TOM1L1: variants seen among roughly 807,000 people sequenced by gnomAD.
TOM1L1 encodes the protein target of myb1 like 1 membrane trafficking protein.
A neutral mutation model predicts 63.4 loss-of-function variants in TOM1L1; 64 were observed. That is an observed-to-expected ratio of 1.01 (90% CI 0.83 to 1.24). The LOEUF is 1.24. TOM1L1 is among the 50% of genes most tolerant of loss of function. TOM1L1 has a pLI of 0.00. For missense variants in TOM1L1, 536 were observed against 567.0 expected (o/e 0.95, Z 0.55); for synonymous variants, 166 against 194.4 (o/e 0.85, Z 1.22).
chr17:54,936,609 TA>T (rs751441617), intron 8 of TOM1L1, 39 bp from the exon 9 acceptor site: 8 of 1,529,004 alleles, frequency 5.2e-6, no homozygotes, highest in South Asian at 2.4e-5. Flanking sequence ...CATTTTCATA[TA>T]TTTTTTTAAA....
intron 7 of TOM1L1, among the ~76,000 whole-genome samples, chr17:54,920,013 T>G (rs898268466): frequency 2.6e-5 from 4 of 152,082 alleles, no homozygotes; most frequent in Admixed American, 1.3e-4. Flanking sequence ...TTTATTTTAT[T>G]TATTCATTTT....
At chr17:54,911,090 G>A (rs2048489731) in intron 3 of TOM1L1, among the ~76,000 whole-genome samples, 1 of 152,060 alleles carries the variant, frequency 6.6e-6, no homozygotes, top group South Asian at 2.1e-4. Flanking sequence ...CTTCAGTATT[G>A]GTTCATTCTT....
rs1414010174 is a variant in TOM1L1 at position 54,938,838 on chromosome 17, CT to C, written c.1034-77del. 9.9e-4 allele frequency: 564 copies of C among 572,346 alleles called. 1 individual carries two copies. The highest frequency in any genetic ancestry group is 2.4e-3 in the South Asian group (61 of 25,102). The allele number at this position is 572,346 out of a possible 1,614,324, so 35.5% of individuals were successfully genotyped here. ...TCTTTTTTTTTTCTTTTTCTTTTTT[CT>C]TTTTTTTTGTTTTTACTGTAGAAAA... is the stretch of plus-strand genomic sequence containing the variant. On this transcript the variant is annotated intron_variant, in intron 10 of 15. Coordinates refer to ENST00000575882, the MANE Select transcript of TOM1L1 (RefSeq NM_005486.3).
intron 13 of TOM1L1, 79 bp from the exon 14 acceptor site, chr17:54,949,966 T>C (rs575016672): frequency 1.2e-4 from 138 of 1,172,766 alleles, no homozygotes; most frequent in Admixed American, 6.1e-4. Context: ...ATTTGAAGTC[T>C]AAATTATAAA....
intron 10 of TOM1L1, 89 bp from the exon 11 acceptor site, chr17:54,938,831 CTTTT>C: frequency 3.5e-6 from 2 of 577,538 alleles, no homozygotes; most frequent in Non-Finnish European, 5.6e-6. Flanking sequence ...TTTTCTTTTT[CTTTT>C]TTCTTTTTTT....
rs1450431914 is a variant in TOM1L1 at position 54,905,644 on chromosome 17, TAAG to T, written c.222+81_222+83del. ...TACATTTTTAATCCTGGGTAAAAAA[TAAG>T]AAGCAAGTATTCTGAGAAAACTAAT... On this transcript the variant is annotated intron_variant, in intron 3 of 15. Coordinates refer to ENST00000575882, the MANE Select transcript of TOM1L1 (RefSeq NM_005486.3). 4.2e-6 allele frequency: 4 copies of T among 943,406 alleles called. No homozygotes were observed. The African/African-American group carries it at 5.0e-5, about 12-fold the overall frequency. 58.4% of individuals were successfully genotyped at this position (943,406 alleles called of 1,614,324 possible). A position where few individuals can be genotyped will look rare whatever the true frequency, so the allele number is the denominator to read the frequency against.
chr17:54,905,609 A>G, intron 3 of TOM1L1, 42 bp downstream of exon 3: 5 of 1,254,066 alleles, frequency 4.0e-6, no homozygotes, highest in Non-Finnish European at 5.7e-6. Flanking sequence ...AGGATTTCTC[A>G]AGCTATAGTT....
intron 7 of TOM1L1, among the ~76,000 whole-genome samples, chr17:54,922,284 C>G (rs1047245314): frequency 6.6e-6 from 1 of 151,244 alleles, no homozygotes; most frequent in East Asian, 2.0e-4. Flanking sequence ...CAGAGCGAGG[C>G]TGTCTCAAAA....
At chr17:54,910,502 A>G (rs1381469310) in intron 3 of TOM1L1, among the ~76,000 whole-genome samples, 1 of 152,190 alleles carries the variant, frequency 6.6e-6, no homozygotes, top group African/African-American at 2.4e-5. Context: ...TTTAGCAAGA[A>G]ATACACCTAG....
chr17:54,935,595 A>G (rs1312036560), intron 8 of TOM1L1, among the ~76,000 whole-genome samples: 2 of 152,082 alleles, frequency 1.3e-5, no homozygotes, highest in Non-Finnish European at 2.9e-5. Flanking sequence ...TAACTTTCTG[A>G]GCAAATAGTT....
intron 14 of TOM1L1, chr17:54,957,531 G>T (rs2076974385): frequency 6.6e-6 from 1 of 152,146 alleles, no homozygotes; most frequent in Non-Finnish European, 1.5e-5. Context: ...CGGTGGGAGA[G>T]ACAGTAAAAA....
chr17:54,913,537 G>A (rs971051334), intron 4 of TOM1L1, among the ~76,000 whole-genome samples: 13 of 151,982 alleles, frequency 8.6e-5, no homozygotes, highest in Non-Finnish European at 1.6e-4. Flanking sequence ...GTGGTGGCGG[G>A]CGCCTGTAAT....
intron 7 of TOM1L1, 51 bp downstream of exon 7, chr17:54,915,913 C>T (rs2048580538): frequency 2.1e-6 from 3 of 1,431,936 alleles, no homozygotes; most frequent in African/African-American, 1.4e-5. Context: ...TAAAGTTATT[C>T]TCTAAACTTT....
intron 11 of TOM1L1, among the ~76,000 whole-genome samples, chr17:54,945,356 T>C (rs555978691): frequency 2.3e-4 from 35 of 152,300 alleles, no homozygotes; most frequent in African/African-American, 8.2e-4. Context: ...GCATAGCATT[T>C]GGGGGGCCAC....
chr17:54,943,044 A>G (rs2049056975), intron 11 of TOM1L1, among the ~76,000 whole-genome samples: 1 of 152,210 alleles, frequency 6.6e-6, no homozygotes, highest in South Asian at 2.1e-4. Flanking sequence ...TTTTATCATT[A>G]TGTAATGTCC....
At chr17:54,960,739 T>A in intron 15 of TOM1L1, 112 bp downstream of exon 15, 1 of 766,696 alleles carries the variant, frequency 1.3e-6, no homozygotes, top group Non-Finnish European at 2.2e-6. Context: ...AGTCTGACAC[T>A]TTGAAATATG....
At chr17:54,957,046 A>T (rs1184408614) in intron 14 of TOM1L1, 2 of 152,240 alleles carry the variant, frequency 1.3e-5, no homozygotes, top group Non-Finnish European at 2.9e-5. Context: ...AACTGGTTTA[A>T]ACCAGCTAGC....
intron 11 of TOM1L1, among the ~76,000 whole-genome samples, chr17:54,946,088 A>T (rs2049113744): frequency 6.6e-6 from 1 of 152,208 alleles, no homozygotes; most frequent in South Asian, 2.1e-4. Flanking sequence ...GGTGGCTCCA[A>T]TGTCAGCTAC....
intron 8 of TOM1L1, among the ~76,000 whole-genome samples, chr17:54,936,184 A>C (rs1315989280): frequency 6.6e-6 from 1 of 152,178 alleles, no homozygotes; most frequent in East Asian, 1.9e-4. Context: ...AATATTTTGG[A>C]AAATTACTTA....
Sources: allele counts gnomAD v4.1 joint callset (sites outside exome capture counted in the v4.1 genomes callset), GRCh38; gene constraint gnomAD v4.1.1; transcripts MANE v1.5; gene names NCBI Gene and HGNC (gene_info 2026-07-23, HGNC 2026-07-21).